EIF2S3B: variants seen among roughly 807,000 people sequenced by gnomAD.
The protein encoded by EIF2S3B is eukaryotic translation initiation factor 2 subunit gamma B.
A neutral mutation model predicts 26.4 loss-of-function variants in EIF2S3B; 16 were observed. The ratio of observed to expected loss-of-function variants is 0.61; its 90% CI spans 0.41 to 0.92. EIF2S3B has a LOEUF of 0.92. Among genes scored for constraint, EIF2S3B ranks in the 40% least tolerant of loss-of-function variants. EIF2S3B has a pLI of 0.00. For missense variants in EIF2S3B, 510 were observed against 575.5 expected, an observed-to-expected ratio of 0.89 and a Z score of 1.16; for synonymous variants, 183 against 204.4, an observed-to-expected ratio of 0.90 and a Z score of 0.89.
At chr12:10,520,451 G>A (rs944693887) in intron 1 of EIF2S3B, among the ~76,000 whole-genome samples, 14 of 150,608 alleles carry the variant, frequency 9.3e-5, no homozygotes, top group Admixed American at 6.0e-4. Context: ...CATGGCACAT[G>A]TATACATATG....
chr12:10,519,613 G>A (rs1481017899), intron 1 of EIF2S3B, among the ~76,000 whole-genome samples: 1 of 152,090 alleles, frequency 6.6e-6, no homozygotes, highest in Non-Finnish European at 1.5e-5. Context: ...CTACTCATCT[G>A]ACAAAGGGCT....
Position 10,506,122 on chromosome 12 carries a change from G to T in EIF2S3B, c.220G>T (p.Glu74Ter), listed in dbSNP as rs777274377. Residue 74 changes from glutamate to a stop codon, truncating the protein, a stop_gained, in exon 1 of 1, where the codon GAA (glutamate) becomes TAA (stop). Transcript: ENST00000538173. LOFTEE classifies it high-confidence loss of function. ...VHTVRFKNEL[E>*]RNITIKLGYA... ...CACCGTCAGGTTCAAAAATGAACTA[G>T]AAAGAAATATTACAATCAAGCTTGG... The T allele has an allele frequency of 6.4e-5, 102 of 1,587,156 alleles. No homozygotes were observed. Among genetic ancestry groups the T allele is most frequent in the Middle Eastern group, 3.3e-4 (2 of 6,014 alleles).
downstream of EIF2S3B, among the ~76,000 whole-genome samples, chr12:10,513,523 T>G (rs1000102923): frequency 6.6e-5 from 10 of 152,228 alleles, no homozygotes; most frequent in Admixed American, 6.5e-4. Flanking sequence ...TTAATGGTTA[T>G]TTGGATAGTT....
chr12:10,521,684 A>G (rs750275293), intron 1 of EIF2S3B, among the ~76,000 whole-genome samples: 6 of 152,196 alleles, frequency 3.9e-5, no homozygotes, highest in Non-Finnish European at 7.4e-5. Context: ...GGGTGTAAGG[A>G]AAGAGATGAA....
exon 2 of EIF2S3B, chr12:10,522,672 A>G (rs771230307): frequency 3.3e-5 from 23 of 696,832 alleles, no homozygotes; most frequent in Non-Finnish European, 5.2e-5. Context: ...TGAGACACAG[A>G]GGAAGTCTGC....
At chr12:10,517,209 T>A (rs1246263031) in intron 1 of EIF2S3B, among the ~76,000 whole-genome samples, 3 of 152,236 alleles carry the variant, frequency 2.0e-5, no homozygotes, top group South Asian at 2.1e-4. Context: ...CTTGTATCTC[T>A]GGTAGAATTC....
chr12:10,518,676 T>A (rs1864793966), intron 1 of EIF2S3B, among the ~76,000 whole-genome samples: 1 of 152,084 alleles, frequency 6.6e-6, no homozygotes, highest in African/African-American at 2.4e-5. Context: ...AGATACAAAA[T>A]CAATGTACAA....
At position 10,507,388 on chromosome 12, in the gene EIF2S3B, G is replaced by T. The variant is rs1864649424; in HGVS notation, c.*67G>T. ...TGCAATTTCTCTTTAACAACCAAGG[G>T]GTTTATTTTCAAAGCGATATTGGGG... On this transcript the variant is annotated 3_prime_UTR_variant, in exon 1 of 1. Transcript: ENST00000538173. 1.2e-5 allele frequency: 19 copies of T among 1,572,820 alleles called. No homozygotes were observed. Among genetic ancestry groups the T allele is most frequent in the East Asian group, 2.2e-5 (1 of 44,644 alleles).
In EIF2S3B at chr12:10,505,945, C is replaced by G; in HGVS notation, c.43C>G (p.Leu15Val). Residue 15 changes from leucine to valine, a missense_variant, in exon 1 of 1, where the codon CTT (leucine) becomes GTT (valine). Coordinates refer to ENST00000538173, the MANE Select transcript of EIF2S3B (RefSeq NM_001357734.3). The part of the protein sequence containing the change: ...EAGVTLGQPH[L>V]SRQDLTTLDV... ...TGGGGTGACTCTGGGGCAGCCGCAC[C>G]TTTCGCGTCAGGATCTCACCACCTT... The G allele has an allele frequency of 6.2e-7, 1 of 1,603,160 alleles. No homozygotes were observed.
intron 1 of EIF2S3B, among the ~76,000 whole-genome samples, chr12:10,519,020 T>C (rs1210509250): frequency 2.0e-5 from 3 of 150,060 alleles, no homozygotes; most frequent in African/African-American, 7.3e-5. Flanking sequence ...TTAAAGTTCA[T>C]ATGGAACCAA....
chr12:10,507,593 G>GT lies in EIF2S3B; in HGVS notation c.*279dup. 3 of 554,674 alleles carry GT rather than the reference G, an allele frequency of 5.4e-6. No individual in the cohort carries two copies. The highest frequency in any genetic ancestry group is 4.9e-5 in the South Asian group (2 of 40,796). The allele number at this position is 554,674 out of a possible 1,614,324, so 34.4% of individuals were successfully genotyped here. ...TAATGTCAAAATTATACATTATGCAGTTTTTTTGTTTGTTTTATTTTGTTT... is the reference window on the plus strand; with the variant it reads ...TAATGTCAAAATTATACATTATGCAGTTTTTTTTGTTTGTTTTATTTTGTTT... On this transcript the variant is annotated 3_prime_UTR_variant, in exon 1 of 1. Transcript: ENST00000538173.
intron 1 of EIF2S3B, among the ~76,000 whole-genome samples, chr12:10,514,069 C>T (rs1243134088): frequency 6.6e-6 from 1 of 151,988 alleles, no homozygotes; most frequent in Non-Finnish European, 1.5e-5. Flanking sequence ...TCCATACTTT[C>T]AATGCTTGGT....
Position 10,506,784 on chromosome 12 carries a change from A to C in EIF2S3B, c.882A>C (p.Thr294=). 1 of 1,613,880 alleles carries C rather than the reference A, an allele frequency of 6.2e-7. No individual in the cohort carries two copies. Among genetic ancestry groups the C allele is most frequent in the Non-Finnish European group, 8.5e-7 (1 of 1,179,724 alleles). The change falls in exon 1 of 1, where the codon ACA becomes ACC. Residue 294 remains threonine (T), a synonymous_variant. Coordinates refer to ENST00000538173, the MANE Select transcript of EIF2S3B (RefSeq NM_001357734.3). ...LKGVLKVGQE[T]EVRPGIVSKD... ...GAGTATTAAAGGTGGGCCAGGAGAC[A>C]GAAGTAAGACCTGGTATTGTTTCCA...
At chr12:10,517,917 G>A (rs1312069933) in intron 1 of EIF2S3B, among the ~76,000 whole-genome samples, 5 of 151,830 alleles carry the variant, frequency 3.3e-5, no homozygotes, top group African/African-American at 9.7e-5. Flanking sequence ...GTAGTTGAGT[G>A]GTTTTGAGTG....
chr12:10,512,957 T>G (rs1021503039), downstream of EIF2S3B, among the ~76,000 whole-genome samples: 3 of 152,186 alleles, frequency 2.0e-5, no homozygotes, highest in Non-Finnish European at 4.4e-5. Context: ...TTATCATTGC[T>G]CCAAGAACTT....
chr12:10,510,294 G>A (rs963375212), downstream of EIF2S3B, among the ~76,000 whole-genome samples: 2 of 152,100 alleles, frequency 1.3e-5, no homozygotes, highest in African/African-American at 2.4e-5. Flanking sequence ...CACCAAATGG[G>A]TCAAATAAGA....
chr12:10,509,404 T>TA (rs1864684413), downstream of EIF2S3B, among the ~76,000 whole-genome samples: 1 of 152,034 alleles, frequency 6.6e-6, no homozygotes, highest in Admixed American at 6.6e-5. Flanking sequence ...TTACCAGAGT[T>TA]AGAGTTTTAA....
chr12:10,507,838 C>T lies in EIF2S3B; in HGVS notation c.*517C>T, dbSNP rs1426486016. On this transcript the variant is annotated 3_prime_UTR_variant, in exon 1 of 1. Transcript: ENST00000538173. ...TGACCTCAGGGTGATCAGCCCACCT[C>T]GGCCTCACAAAGTGCCGGGATTACA... Among the ~76,000 whole-genome samples the T allele has an allele frequency of 1.3e-5, 2 of 152,130 alleles. No homozygotes were observed. Among genetic ancestry groups the T allele is most frequent in the Non-Finnish European group, 2.9e-5 (2 of 68,016 alleles).
rs922824216 is a variant in EIF2S3B at position 10,506,317 on chromosome 12, G to A, written c.415G>A (p.Asp139Asn). The A allele has an allele frequency of 5.6e-6, 9 of 1,614,090 alleles. No homozygotes were observed. The highest frequency in any genetic ancestry group is 1.3e-5 in the African/African-American group (1 of 75,014). Residue 139 changes from aspartate (D) to asparagine (N), a missense_variant, in exon 1 of 1, where the codon GAT (aspartate) becomes AAT (asparagine). Asp to Asn is a conservative substitution (Grantham distance 23). Transcript: ENST00000538173. ...HVSFVDCPGHDILMATMLNGA... is the reference protein window; with the variant it reads ...HVSFVDCPGHNILMATMLNGA... Reference sequence around the variant, plus strand: ...TTCCTTTGTTGACTGTCCTGGCCACGATATTTTGATGGCTACTATGCTGAA... The same window carrying A: ...TTCCTTTGTTGACTGTCCTGGCCACAATATTTTGATGGCTACTATGCTGAA...
Sources: allele counts gnomAD v4.1 joint callset (sites outside exome capture counted in the v4.1 genomes callset), GRCh38; gene constraint gnomAD v4.1.1; transcripts MANE v1.5; gene names NCBI Gene and HGNC (gene_info 2026-07-23, HGNC 2026-07-21).